The following GSE1 variants were observed in gnomAD, a reference collection of about 807,000 sequenced individuals.
The protein encoded by GSE1 is Gse1 coiled-coil protein.
In GSE1, 32 loss-of-function variants were observed where a neutral mutation model predicts 112.6. The observed-to-expected ratio is 0.28, with a 90% CI of 0.21 to 0.38. GSE1 has a LOEUF of 0.38. GSE1 is among the 10% of genes least tolerant of loss of function. The pLI, the probability that GSE1 is intolerant of heterozygous loss-of-function variation, is 1.00. For missense variants in GSE1, 2,348 were observed against 1,699.2 expected, an observed-to-expected ratio of 1.38 and a Z score of -6.71; for synonymous variants, 1,115 against 735.6, an observed-to-expected ratio of 1.52 and a Z score of -8.35.
At chr16:85,357,485 C>T (rs1316162730) in exon 2 of GSE1, 1 of 1,248,028 alleles carries the variant, frequency 8.0e-7, no homozygotes, top group Non-Finnish European at 1.0e-6. Flanking sequence ...TCTCTGGAAG[C>T]ATCTGCAGCC....
chr16:85,353,003 C>A (rs1430007995), intron 1 of GSE1, among the ~76,000 whole-genome samples: 1 of 152,244 alleles, frequency 6.6e-6, no homozygotes, highest in Non-Finnish European at 1.5e-5. Context: ...TGTATCAGCT[C>A]TCTGTTGCTG....
chr16:85,274,223 A>G (rs1417517618), intron 1 of GSE1, among the ~76,000 whole-genome samples: 1 of 151,616 alleles, frequency 6.6e-6, no homozygotes, highest in Non-Finnish European at 1.5e-5. Context: ...ATCTCTACTA[A>G]AAATATACAA....
upstream of GSE1, among the ~76,000 whole-genome samples, chr16:85,554,354 C>G (rs1264125084): frequency 6.6e-6 from 1 of 152,156 alleles, no homozygotes; most frequent in African/African-American, 2.4e-5. Flanking sequence ...CACTCACACT[C>G]TCTGTGCAGT....
intron 2 of GSE1, among the ~76,000 whole-genome samples, chr16:85,418,522 G>C (rs2048754724): frequency 6.6e-6 from 1 of 152,208 alleles, no homozygotes; most frequent in Admixed American, 6.5e-5. Flanking sequence ...CTGTAGCCCA[G>C]CCTGCTCAGG....
chr16:85,639,770 A>T (rs937670695), intron 2 of GSE1, among the ~76,000 whole-genome samples: 1 of 152,232 alleles, frequency 6.6e-6, no homozygotes, highest in Non-Finnish European at 1.5e-5. Context: ...CTGCTGTGTG[A>T]CGAAGCCAGG....
At chr16:85,670,801 AATTT>A in intron 14 of GSE1, 190 bp from the exon 15 acceptor site, 1 of 432,070 alleles carries the variant, frequency 2.3e-6, no homozygotes. Context: ...TATTGGGCTT[AATTT>A]AGTGACGTTT....
chr16:85,389,502 A>G (rs1019373486), intron 2 of GSE1, among the ~76,000 whole-genome samples: 9 of 149,364 alleles, frequency 6.0e-5, no homozygotes, highest in Non-Finnish European at 1.2e-4. Flanking sequence ...GGGTCATACC[A>G]GGGGCTGAGG....
upstream of GSE1, among the ~76,000 whole-genome samples, chr16:85,553,498 C>T (rs2151247267): frequency 6.6e-6 from 1 of 151,804 alleles, no homozygotes; most frequent in East Asian, 2.0e-4. Context: ...CTGGCGCCCT[C>T]CCCTGCGCCC....
intron 1 of GSE1, among the ~76,000 whole-genome samples, chr16:85,242,309 C>T (rs1020907507): frequency 7.9e-5 from 12 of 152,196 alleles, no homozygotes; most frequent in East Asian, 3.9e-4. Flanking sequence ...CAGCAGCCCT[C>T]GGGGTCTGTC....
intron 2 of GSE1, among the ~76,000 whole-genome samples, chr16:85,481,157 G>C (rs1374864227): frequency 1.3e-5 from 2 of 152,240 alleles, no homozygotes; most frequent in East Asian, 3.8e-4. Flanking sequence ...CCAAGCAGCT[G>C]AGGTCAGAGC....
chr16:85,259,154 G>A (rs1281096892), intron 1 of GSE1, among the ~76,000 whole-genome samples: 1 of 152,176 alleles, frequency 6.6e-6, no homozygotes, highest in Non-Finnish European at 1.5e-5. Flanking sequence ...GTGGAAGGGA[G>A]AAGTAACATC....
chr16:85,572,810 T>C (rs1282990136), intron 1 of GSE1, among the ~76,000 whole-genome samples: 22 of 152,128 alleles, frequency 1.4e-4, no homozygotes, highest in Non-Finnish European at 1.5e-5. Context: ...GCCTTGTCTA[T>C]TACCTAAAGG....
chr16:85,613,096 C>T (rs2048100420), upstream of GSE1: 4 of 822,804 alleles, frequency 4.9e-6, no homozygotes, highest in South Asian at 2.6e-5. Flanking sequence ...GGGCGCCCGT[C>T]GGTGCGCGCG....
intron 1 of GSE1, among the ~76,000 whole-genome samples, chr16:85,270,027 A>G (rs1908674136): frequency 6.7e-6 from 1 of 149,348 alleles, no homozygotes; most frequent in South Asian, 2.1e-4. Flanking sequence ...GTTGGTAGCT[A>G]GGATTCAAAT....
At chr16:85,232,305 A>T (rs569238449) in intron 1 of GSE1, among the ~76,000 whole-genome samples, 1 of 152,286 alleles carries the variant, frequency 6.6e-6, no homozygotes, top group South Asian at 2.1e-4. Context: ...ACCCTCGTTT[A>T]TCTGAAATTA....
At chr16:85,602,082 C>G (rs1170971330) in intron 1 of GSE1, among the ~76,000 whole-genome samples, 1 of 152,198 alleles carries the variant, frequency 6.6e-6, no homozygotes, top group African/African-American at 2.4e-5. Context: ...CCCAGCCCCA[C>G]CGTCCAGGGA....
intron 2 of GSE1, among the ~76,000 whole-genome samples, chr16:85,462,503 G>A (rs1309085813): frequency 1.3e-5 from 2 of 151,924 alleles, no homozygotes; most frequent in Non-Finnish European, 2.9e-5. Context: ...ATGGAGAAAT[G>A]AAAAGCGGCC....
chr16:85,408,090 AG>A (rs1169881775), intron 2 of GSE1, among the ~76,000 whole-genome samples: 9 of 48,918 alleles, frequency 1.8e-4, no homozygotes, highest in Non-Finnish European at 2.5e-4. Flanking sequence ...TGTTACACTC[AG>A]GGCCCCCCTG....
At chr16:85,554,994 G>C (rs941557925), upstream of GSE1, 31 of 985,248 alleles carry the variant, frequency 3.1e-5, no homozygotes, top group Non-Finnish European at 3.5e-5. Context: ...CGTCCGCATG[G>C]ATCTGCCGCC....
Sources: allele counts gnomAD v4.1 joint callset (sites outside exome capture counted in the v4.1 genomes callset), GRCh38; gene constraint gnomAD v4.1.1; transcripts MANE v1.5; gene names NCBI Gene and HGNC (gene_info 2026-07-23, HGNC 2026-07-21).